Variants in AFF2 observed in about 807,000 individuals in gnomAD.
The protein encoded by AFF2 is AF4/FMR2 family member 2.
Under a neutral mutation model 76.9 loss-of-function variants are expected in AFF2, and 14 were observed. That is an observed-to-expected ratio of 0.18 (90% confidence interval 0.12 to 0.28). The LOEUF (loss-of-function observed/expected upper bound fraction) is 0.28, where lower values mean the gene tolerates loss of function less well. AFF2 is among the 10% of genes least tolerant of loss of function. The pLI is 1.00. For missense variants in AFF2, 868 were observed against 1,001.1 expected (o/e 0.87, Z 1.79); for synonymous variants, 398 against 366.7 (o/e 1.09, Z -0.98).
At chrX:148,854,650 T>C in intron 7 of AFF2, among the ~76,000 whole-genome samples, 1 of 111,361 alleles carries the variant, frequency 9.0e-6, no homozygotes, top group Non-Finnish European at 1.9e-5. Context: ...CTGATTTGCT[T>C]AGTGGCATAA....
chrX:148,521,902 C>T (rs2052604422), intron 1 of AFF2, among the ~76,000 whole-genome samples: 2 of 112,052 alleles, frequency 1.8e-5, no homozygotes, highest in Non-Finnish European at 3.8e-5. Context: ...AGCACTGCTC[C>T]TTTCTCCTCA....
chrX:148,973,421 G>T, intron 15 of AFF2, 50 bp from the exon 16 acceptor site: 2 of 1,194,543 alleles, frequency 1.7e-6, no homozygotes, highest in South Asian at 3.7e-5. Context: ...TCTTTTATAT[G>T]AAGGAGAAAA....
At chrX:148,725,284 C>A (rs1219646603) in intron 3 of AFF2, among the ~76,000 whole-genome samples, 2 of 111,100 alleles carry the variant, frequency 1.8e-5, no homozygotes, top group African/African-American at 6.5e-5. Flanking sequence ...ATCAACTGAA[C>A]TCTCTTAACC....
intron 1 of AFF2, among the ~76,000 whole-genome samples, chrX:148,632,429 C>T (rs909972711): frequency 1.8e-5 from 2 of 111,017 alleles, no homozygotes; most frequent in Non-Finnish European, 3.8e-5. Flanking sequence ...GTCATTACAC[C>T]CGGAGAATTG....
intron 12 of AFF2, among the ~76,000 whole-genome samples, chrX:148,959,655 A>T (rs982892119): frequency 8.9e-6 from 1 of 112,197 alleles, no homozygotes; most frequent in Admixed American, 9.4e-5. Context: ...GTTCATCAGT[A>T]TTCTCTGATA....
intron 9 of AFF2, among the ~76,000 whole-genome samples, chrX:148,951,060 T>A (rs1195905246): frequency 9.9e-5 from 11 of 111,648 alleles, no homozygotes; most frequent in Non-Finnish European, 1.7e-4. Flanking sequence ...TTATATATGG[T>A]ATATTCAGCA....
chrX:148,753,274 G>A (rs1603294596), intron 3 of AFF2, among the ~76,000 whole-genome samples: 1 of 112,044 alleles, frequency 8.9e-6, no homozygotes, highest in Non-Finnish European at 1.9e-5. Flanking sequence ...TCTGGGTATC[G>A]ATAATACTAG....
chrX:148,996,592 CACTT>C lies in AFF2; in HGVS notation c.*5261_*5264del, dbSNP rs2072603071. 8.9e-6 allele frequency: 1 copy of C among 112,385 alleles called. No individual in the cohort carries two copies. The highest frequency in any genetic ancestry group is 3.2e-5 in the African/African-American group (1 of 30,907). 9.3% of individuals were successfully genotyped at this position (112,385 alleles called of 1,213,427 possible). On this transcript the variant is annotated 3_prime_UTR_variant, in exon 21 of 21. Transcript: ENST00000370460. ...ACACACAAACTCACCCTTACACACA[CACTT>C]CGATGACTAAAACAATTACATAGTT...
Position 148,618,330 on chromosome X carries a change from A to T in AFF2, c.48-33669A>T, listed in dbSNP as rs1338249994. 3.6e-5 allele frequency among the ~76,000 whole-genome samples: 4 copies of T among 111,522 alleles called. No homozygotes were observed. The East Asian group carries it at 1.1e-3, about 32-fold the overall frequency. On this transcript the variant is annotated intron_variant, in intron 1 of 20. Coordinates refer to ENST00000370460, the MANE Select transcript of AFF2 (RefSeq NM_002025.4). ...CACAGGGCTGAGGAGGCCTCAGGAA[A>T]CATACAGTCATGGTGGAAAGGGAAA...
At chrX:148,938,789 C>T (rs2071801814) in intron 9 of AFF2, among the ~76,000 whole-genome samples, 1 of 112,069 alleles carries the variant, frequency 8.9e-6, no homozygotes, top group African/African-American at 3.2e-5. Context: ...TACATAAGAA[C>T]TATTTCAAAT....
chrX:148,780,783 G>A (rs1268093852), intron 3 of AFF2, among the ~76,000 whole-genome samples: 1 of 111,713 alleles, frequency 9.0e-6, no homozygotes, highest in Non-Finnish European at 1.9e-5. Context: ...GTCCAGTTTT[G>A]TTCCCTTGCT....
intron 7 of AFF2, among the ~76,000 whole-genome samples, chrX:148,853,978 G>T (rs782318271): frequency 3.6e-5 from 4 of 112,166 alleles, no homozygotes; most frequent in Non-Finnish European, 7.5e-5. Context: ...CACTGTCTTA[G>T]AGAATGGGAT....
intron 3 of AFF2, among the ~76,000 whole-genome samples, chrX:148,739,579 T>C (rs2055325793): frequency 8.9e-6 from 1 of 111,973 alleles, no homozygotes; most frequent in Admixed American, 9.5e-5. Context: ...TTCTTATCCA[T>C]TCTGCGTTTC....
intron 9 of AFF2, among the ~76,000 whole-genome samples, chrX:148,921,135 G>A: frequency 9.0e-6 from 1 of 111,566 alleles, no homozygotes. Context: ...CTAATTAGGT[G>A]ATTATGAATA....
intron 3 of AFF2, among the ~76,000 whole-genome samples, chrX:148,701,972 A>G (rs1395162382): frequency 1.8e-5 from 2 of 112,492 alleles, no homozygotes; most frequent in African/African-American, 3.2e-5. Flanking sequence ...GTGCATTGAA[A>G]AAGTAAATTA....
At chrX:148,575,306 G>A (rs1240312559) in intron 1 of AFF2, among the ~76,000 whole-genome samples, 1 of 110,996 alleles carries the variant, frequency 9.0e-6, no homozygotes, top group Admixed American at 9.6e-5. Flanking sequence ...TTTAATTCAC[G>A]AAAAGGAGTA....
intron 1 of AFF2, among the ~76,000 whole-genome samples, chrX:148,536,684 G>T (rs909563750): frequency 8.9e-6 from 1 of 111,902 alleles, no homozygotes; most frequent in Non-Finnish European, 1.9e-5. Context: ...TTAGTTTTAC[G>T]TTGCTATCCT....
At position 148,997,902 on chromosome X, in the gene AFF2, A is replaced by G. The variant is rs1159313709; in HGVS notation, c.*6570A>G. 8.9e-6 allele frequency: 1 copy of G among 112,615 alleles called. No individual in the cohort carries two copies. The highest frequency in any genetic ancestry group is 1.9e-5 in the Non-Finnish European group (1 of 53,308). The allele number at this position is 112,615 out of a possible 1,213,427, so 9.3% of individuals were successfully genotyped here. ...ATTCCATCTCAAGACAATTTGTCAA[A>G]TACTTAATTTTCTTCCTGGATGATT... is the stretch of plus-strand genomic sequence containing the variant. On this transcript the variant is annotated 3_prime_UTR_variant, in exon 21 of 21. Coordinates refer to ENST00000370460, the MANE Select transcript of AFF2 (RefSeq NM_002025.4).
chrX:148,702,069 G>T (rs1442123030), intron 3 of AFF2, among the ~76,000 whole-genome samples: 3 of 111,733 alleles, frequency 2.7e-5, no homozygotes, highest in Non-Finnish European at 5.6e-5. Flanking sequence ...GAATTCATTT[G>T]CTATTACTGG....
Sources: allele counts gnomAD v4.1 joint callset (sites outside exome capture counted in the v4.1 genomes callset), GRCh38; gene constraint gnomAD v4.1.1; transcripts MANE v1.5; gene names NCBI Gene and HGNC (gene_info 2026-07-23, HGNC 2026-07-21).